Variants in PRKN observed in about 807,000 individuals in gnomAD.
The protein encoded by PRKN is parkin RBR E3 ubiquitin protein ligase.
A neutral mutation model predicts 59.5 loss-of-function variants in PRKN; 56 were observed. The ratio of observed to expected loss-of-function variants is 0.94; its 90% CI spans 0.76 to 1.18. PRKN has a LOEUF of 1.18. PRKN is among the 50% of genes most tolerant of loss of function. The pLI is 0.00. For missense variants in PRKN, 657 were observed against 596.4 expected (o/e 1.10, Z -1.06); for synonymous variants, 250 against 222.1 (o/e 1.13, Z -1.12).
chr6:162,219,851 C>T (rs1777857468), intron 3 of PRKN, among the ~76,000 whole-genome samples: 1 of 152,072 alleles, frequency 6.6e-6, no homozygotes, highest in South Asian at 2.1e-4. Context: ...AATACCCTTG[C>T]CAGGCATGTA....
At chr6:162,414,666 G>A (rs914979328) in intron 2 of PRKN, among the ~76,000 whole-genome samples, 8 of 130,642 alleles carry the variant, frequency 6.1e-5, no homozygotes, top group South Asian at 5.0e-4. Context: ...AACCAAGATC[G>A]CACCACTGCA....
intron 7 of PRKN, among the ~76,000 whole-genome samples, chr6:161,741,601 G>T (rs1406534054): frequency 6.6e-6 from 1 of 152,108 alleles, no homozygotes; most frequent in Non-Finnish European, 1.5e-5. Flanking sequence ...AGAAATGCTT[G>T]TCCCAGTATC....
chr6:161,453,728 T>TCCCC (rs1789844114), intron 9 of PRKN, among the ~76,000 whole-genome samples: 1 of 23,986 alleles, frequency 4.2e-5, no homozygotes, highest in Non-Finnish European at 8.9e-5. Flanking sequence ...CCTCCCTCCC[T>TCCCC]CCCTCCCTCC....
intron 5 of PRKN, among the ~76,000 whole-genome samples, chr6:162,023,817 C>T (rs944221297): frequency 2.6e-5 from 4 of 152,086 alleles, no homozygotes; most frequent in African/African-American, 9.7e-5. Flanking sequence ...ACTTCCCTTC[C>T]CTCCCTATCA....
chr6:161,961,610 C>T (rs549664746), intron 6 of PRKN, among the ~76,000 whole-genome samples: 20 of 152,230 alleles, frequency 1.3e-4, no homozygotes, highest in Middle Eastern at 3.4e-3. Context: ...TGAACTAGCC[C>T]GGTTCCGTCA....
intron 1 of PRKN, among the ~76,000 whole-genome samples, chr6:162,675,478 G>A (rs1019854830): frequency 6.6e-6 from 1 of 152,128 alleles, no homozygotes; most frequent in Admixed American, 6.6e-5. Context: ...ATAGATGACA[G>A]GCAAATTTAC....
chr6:161,849,776 G>T (rs1793350237), intron 6 of PRKN, among the ~76,000 whole-genome samples: 1 of 152,188 alleles, frequency 6.6e-6, no homozygotes, highest in African/African-American at 2.4e-5. Context: ...GGAAAAAACG[G>T]AGAGCAACTT....
chr6:162,183,618 ATATGGTGATAAAACTATAAGTTG>A (rs2128323811), intron 4 of PRKN, among the ~76,000 whole-genome samples: 1 of 152,330 alleles, frequency 6.6e-6, no homozygotes, highest in South Asian at 2.1e-4. Flanking sequence ...AAGGAATTCA[ATATGGTGATAAAACTATAAGTTG>A]GGAAACTAAC....
At chr6:162,727,530 G>A in intron 1 of PRKN, 132 bp downstream of exon 1, 1 of 1,033,410 alleles carries the variant, frequency 9.7e-7, no homozygotes. Flanking sequence ...CGCGGGCCGG[G>A]GACGGCACGG....
chr6:162,435,378 T>C (rs9365433), intron 2 of PRKN, among the ~76,000 whole-genome samples: 84,373 of 151,746 alleles, frequency 0.56, 24,536 homozygotes, highest in African/African-American at 0.72. Context: ...CTATGCTTAT[T>C]GATGGCAATC....
intron 2 of PRKN, among the ~76,000 whole-genome samples, chr6:162,327,085 A>G (rs1461854833): frequency 6.6e-6 from 1 of 152,212 alleles, no homozygotes; most frequent in Non-Finnish European, 1.5e-5. Context: ...CAGGATTTAA[A>G]CAATGCTCAT....
rs549010260 is a variant in PRKN, at chr6:161,815,570, A to G, written c.735-29662T>C. ...CCCTGAAGCAACCTAATAATTCCAC[A>G]AAATATATGAAACAATGGTTTTCAA... On this transcript the variant is annotated intron_variant, in intron 6 of 11. Transcript: ENST00000366898. Among the ~76,000 whole-genome samples the G allele has an allele frequency of 1.8e-4, 28 of 152,346 alleles. No individual in the cohort carries two copies. In the East Asian group the frequency reaches 5.4e-3, roughly 29 times the overall value.
intron 4 of PRKN, among the ~76,000 whole-genome samples, chr6:162,100,781 G>A (rs1208562927): frequency 6.6e-6 from 1 of 152,140 alleles, no homozygotes; most frequent in Non-Finnish European, 1.5e-5. Context: ...TAACAGGTAT[G>A]AGGTAATATC....
chr6:162,152,615 TTGGTATCTGCCAGGAATATGAG>T (rs1782320115), intron 4 of PRKN, among the ~76,000 whole-genome samples: 1 of 152,208 alleles, frequency 6.6e-6, no homozygotes, highest in African/African-American at 2.4e-5. Flanking sequence ...GAAGGAAGAC[TTGGTATCTGCCAGGAATATGAG>T]TGGTATCAGC....
At position 161,454,482 on chromosome 6, in the gene PRKN, A is replaced by G. The variant is rs1217251735; in HGVS notation, c.1084-67605T>C. ...GCAGTTCATTCGTGGTCTTGAGTCCAGGTTCCAGGTTCTAAGCTTGGTCTA... is the reference window on the plus strand; with the variant it reads ...GCAGTTCATTCGTGGTCTTGAGTCCGGGTTCCAGGTTCTAAGCTTGGTCTA... On this transcript the variant is annotated intron_variant, in intron 9 of 11. Transcript: ENST00000366898. The surrounding 1 kb of genome is among the most constrained non-coding windows in gnomAD (Gnocchi z 4.6). Among the ~76,000 whole-genome samples the G allele has an allele frequency of 1.3e-5, 2 of 152,206 alleles. No individual in the cohort carries two copies. The highest frequency in any genetic ancestry group is 4.8e-5 in the African/African-American group (2 of 41,456).
intron 6 of PRKN, among the ~76,000 whole-genome samples, chr6:161,944,386 G>A (rs913484965): frequency 7.2e-5 from 11 of 152,130 alleles, no homozygotes; most frequent in African/African-American, 2.4e-4. Context: ...TCCCTGCAAG[G>A]CCCGGCACAG....
intron 4 of PRKN, among the ~76,000 whole-genome samples, chr6:162,144,802 A>C (rs1443929729): frequency 6.6e-6 from 1 of 152,180 alleles, no homozygotes; most frequent in Admixed American, 6.6e-5. Flanking sequence ...CACAGTGGAA[A>C]GTCTCACACT....
At chr6:162,565,575 A>G (rs1780032429) in intron 1 of PRKN, among the ~76,000 whole-genome samples, 1 of 152,136 alleles carries the variant, frequency 6.6e-6, no homozygotes, top group African/African-American at 2.4e-5. Context: ...CTGTAATCCC[A>G]GCCACTCCAA....
At chr6:162,533,970 C>CAA (rs139214272) in intron 1 of PRKN, among the ~76,000 whole-genome samples, 31 of 82,870 alleles carry the variant, frequency 3.7e-4, no homozygotes, top group Middle Eastern at 5.8e-3. Flanking sequence ...GACTCCATCT[C>CAA]AAAAAAAAAA....
Sources: gnomAD v4.1 joint callset for allele counts (sites outside exome capture counted in the v4.1 genomes callset) on GRCh38, gnomAD v4.1.1 for gene constraint, Gnocchi (gnomAD v3.1) non-coding constraint, MANE v1.5 for transcripts, NCBI Gene and HGNC (gene_info 2026-07-23, HGNC 2026-07-21) for gene names.